EPB41L4B: variants seen among roughly 807,000 people sequenced by gnomAD.
EPB41L4B encodes erythrocyte membrane protein band 4.1 like 4B.
EPB41L4B carries 30 observed loss-of-function variants against 112.5 expected under a neutral mutation model. That is an observed-to-expected ratio of 0.27 (90% CI 0.20 to 0.36). The LOEUF is 0.36. EPB41L4B is among the 10% of genes least tolerant of loss of function. EPB41L4B has a pLI of 1.00. For synonymous variants in EPB41L4B, 408 were observed against 439.7 expected (o/e 0.93, Z 0.90); for missense variants, 1,024 against 1,133.3 (o/e 0.90, Z 1.38).
At chr9:109,265,313 T>C (rs574953585) in intron 4 of EPB41L4B, among the ~76,000 whole-genome samples, 1 of 152,342 alleles carries the variant, frequency 6.6e-6, no homozygotes, top group South Asian at 2.1e-4. Flanking sequence ...ACCCCCTCCG[T>C]GCTGGAGAAG....
At chr9:109,268,766 G>A (rs906781409) in intron 2 of EPB41L4B, among the ~76,000 whole-genome samples, 41 of 151,946 alleles carry the variant, frequency 2.7e-4, no homozygotes, top group African/African-American at 8.9e-4. Flanking sequence ...GCATGGTGGC[G>A]CGCGCCTGTA....
chr9:109,219,003 A>G (rs1456399079), intron 15 of EPB41L4B, among the ~76,000 whole-genome samples: 1 of 152,236 alleles, frequency 6.6e-6, no homozygotes, highest in African/African-American at 2.4e-5. Flanking sequence ...AAGTGGAAGC[A>G]ATCAGTTCTC....
Position 109,217,142 on chromosome 9 carries a change from G to A in EPB41L4B, c.1413C>T (p.Tyr471=), listed in dbSNP as rs1430784029. Residue 471 remains tyrosine (Y), a synonymous_variant, in exon 16 of 26, where the codon TAC becomes TAT. Coordinates refer to ENST00000374566, the MANE Select transcript of EPB41L4B (RefSeq NM_019114.5). ...TGCTAAGCACTGGGGAAGGGAGCGG[G>A]TAGCTGTGGAGGGTGACACAGTCAG... ...RWHPHSPNVS[Y]PLPSPVLSSS... The A allele has an allele frequency of 6.2e-7, 1 of 1,613,666 alleles. No individual in the cohort carries two copies. Among genetic ancestry groups the A allele is most frequent in the South Asian group, 1.1e-5 (1 of 91,056 alleles).
intron 1 of EPB41L4B, among the ~76,000 whole-genome samples, chr9:109,282,923 C>T (rs975484366): frequency 1.1e-4 from 16 of 151,676 alleles, no homozygotes; most frequent in Non-Finnish European, 2.4e-4. Flanking sequence ...CTCAAGTGAT[C>T]CGCCCACCTC....
At chr9:109,240,569 T>G in intron 15 of EPB41L4B, 8 of 985,400 alleles carry the variant, frequency 8.1e-6, no homozygotes, top group African/African-American at 1.7e-5. Context: ...AATGTTTGAC[T>G]CAGGGCTTGA....
chr9:109,308,449 A>T (rs1193117235), intron 1 of EPB41L4B, among the ~76,000 whole-genome samples: 2 of 152,238 alleles, frequency 1.3e-5, no homozygotes, highest in Non-Finnish European at 2.9e-5. Context: ...CAACAGATAA[A>T]TGGCTCAAAA....
At chr9:109,179,120 G>C (rs1298875166) in intron 24 of EPB41L4B, among the ~76,000 whole-genome samples, 2 of 152,194 alleles carry the variant, frequency 1.3e-5, no homozygotes, top group African/African-American at 2.4e-5. Context: ...AATCTGGCCA[G>C]AGCCAGGCAG....
intron 15 of EPB41L4B, among the ~76,000 whole-genome samples, chr9:109,226,606 T>TCA (rs1833764849): frequency 1.3e-5 from 1 of 74,766 alleles, no homozygotes; most frequent in Non-Finnish European, 2.2e-5. Flanking sequence ...TTTGGATTTT[T>TCA]CATATATATA....
rs138734040 is a variant in EPB41L4B at position 109,290,710 on chromosome 9, C to CATATAT, written c.307-10795_307-10790dup. Among the ~76,000 whole-genome samples, 868 of 145,938 alleles carry CATATAT rather than the reference C, an allele frequency of 5.9e-3. 12 individuals are homozygous for CATATAT. The highest frequency in any genetic ancestry group is 0.02 in the African/African-American group (796 of 39,100). ...CTATGAGCCTTGGCAGGAAACTAGCCATATATATATATATATATACACACA... is the reference window on the plus strand; with the variant it reads ...CTATGAGCCTTGGCAGGAAACTAGCCATATATATATATATATATATATATACACACA... On this transcript the variant is annotated intron_variant, in intron 1 of 25. Coordinates refer to ENST00000374566, the MANE Select transcript of EPB41L4B (RefSeq NM_019114.5).
intron 2 of EPB41L4B, among the ~76,000 whole-genome samples, chr9:109,274,182 G>T (rs1027285524): frequency 5.3e-5 from 8 of 152,160 alleles, no homozygotes; most frequent in Non-Finnish European, 1.0e-4. Context: ...ACTGCAAAAT[G>T]TACCATCAGA....
intron 2 of EPB41L4B, among the ~76,000 whole-genome samples, chr9:109,273,701 G>A (rs776697047): frequency 4.6e-5 from 7 of 152,062 alleles, no homozygotes; most frequent in Non-Finnish European, 2.9e-5. Flanking sequence ...ACGGGCACCT[G>A]AGCCTCAGTT....
chr9:109,200,416 T>G (rs1296407419), intron 19 of EPB41L4B, 82 bp from the exon 20 acceptor site: 13 of 1,022,816 alleles, frequency 1.3e-5, no homozygotes, highest in Non-Finnish European at 1.8e-5. Context: ...GCTTTCTCAG[T>G]TAATGTACAC....
chr9:109,244,433 T>C (rs1021169486), intron 14 of EPB41L4B, among the ~76,000 whole-genome samples: 11 of 87,766 alleles, frequency 1.3e-4, no homozygotes, highest in South Asian at 4.7e-4. Flanking sequence ...TTGAAGGTTG[T>C]CTTTTTTTTT....
At chr9:109,203,856 TACTC>T in intron 18 of EPB41L4B, 126 bp from the exon 19 acceptor site, 1 of 724,142 alleles carries the variant, frequency 1.4e-6, no homozygotes, top group Non-Finnish European at 2.4e-6. Flanking sequence ...GTTCACCAAG[TACTC>T]AATCAATAGA....
chr9:109,240,941 C>G (rs146348970), intron 15 of EPB41L4B: 2 of 985,332 alleles, frequency 2.0e-6, no homozygotes, highest in Non-Finnish European at 2.4e-6. Context: ...AAGATTAGTA[C>G]GACTGCTTAA....
At chr9:109,243,557 T>C in intron 15 of EPB41L4B, 61 bp downstream of exon 15, 2 of 1,537,250 alleles carry the variant, frequency 1.3e-6, no homozygotes, top group South Asian at 1.1e-5. Context: ...AAGCAGAATC[T>C]GAACTTTTCT....
intron 15 of EPB41L4B, among the ~76,000 whole-genome samples, chr9:109,226,740 AATATATATATGAAGAAT>A (rs1833788544): frequency 6.9e-5 from 7 of 101,742 alleles, no homozygotes; most frequent in South Asian, 7.2e-4. Flanking sequence ...ATATATGAAG[AATATATATATGAAGAAT>A]ATATATATAT....
At chr9:109,275,830 C>G (rs994251503) in intron 2 of EPB41L4B, among the ~76,000 whole-genome samples, 1 of 152,042 alleles carries the variant, frequency 6.6e-6, no homozygotes, top group Non-Finnish European at 1.5e-5. Context: ...GTGCTATTCA[C>G]TAAATGACTT....
At chr9:109,177,503 T>C (rs1381900971) in intron 24 of EPB41L4B, among the ~76,000 whole-genome samples, 1 of 152,192 alleles carries the variant, frequency 6.6e-6, no homozygotes, top group African/African-American at 2.4e-5. Flanking sequence ...TGTTTACTTG[T>C]ATATAGAAAG....
Sources: allele counts gnomAD v4.1 joint callset (sites outside exome capture counted in the v4.1 genomes callset), GRCh38; gene constraint gnomAD v4.1.1; transcripts MANE v1.5; gene names NCBI Gene and HGNC (gene_info 2026-07-23, HGNC 2026-07-21).